TRPS1: variants seen among roughly 807,000 people sequenced by gnomAD.
TRPS1 encodes zinc finger transcription factor Trps1.
A neutral mutation model predicts 101.2 loss-of-function variants in TRPS1; 6 were observed. The observed-to-expected ratio is 0.06, with a 90% CI of 0.03 to 0.12. The LOEUF is 0.12. Ranked by LOEUF, TRPS1 falls within the 10% of genes least tolerant of loss-of-function variation. The pLI is 1.00. For synonymous variants in TRPS1, 578 were observed against 589.8 expected (o/e 0.98, Z 0.29); for missense variants, 1,363 against 1,567.0 (o/e 0.87, Z 2.20).
chr8:115,527,512 A>T (rs1487218528), intron 5 of TRPS1, among the ~76,000 whole-genome samples: 1 of 150,970 alleles, frequency 6.6e-6, no homozygotes, highest in Non-Finnish European at 1.5e-5. Context: ...ATTAAAAAAA[A>T]GTTGAAAAAA....
At chr8:115,452,584 G>GTGA (rs1248141339) in intron 5 of TRPS1, among the ~76,000 whole-genome samples, 35 of 152,312 alleles carry the variant, frequency 2.3e-4, no homozygotes, top group African/African-American at 7.9e-4. Context: ...TCTCTTTGAT[G>GTGA]TGATAACGTT....
intron 5 of TRPS1, among the ~76,000 whole-genome samples, chr8:115,533,221 G>A (rs1006876990): frequency 3.3e-5 from 5 of 151,998 alleles, no homozygotes; most frequent in South Asian, 2.1e-4. Flanking sequence ...GAGGTTATCC[G>A]CTAGGTTGTT....
At chr8:115,415,376 G>A (rs138775827) in intron 6 of TRPS1, among the ~76,000 whole-genome samples, 2 of 152,102 alleles carry the variant, frequency 1.3e-5, no homozygotes, top group African/African-American at 4.8e-5. Flanking sequence ...GCATCATTTA[G>A]TGATGAAACG....
At chr8:115,505,035 A>T (rs1272607697) in intron 5 of TRPS1, among the ~76,000 whole-genome samples, 2 of 152,158 alleles carry the variant, frequency 1.3e-5, no homozygotes, top group Non-Finnish European at 2.9e-5. Context: ...AAAATATATC[A>T]CATCAAACAA....
At chr8:115,664,830 C>A (rs543713553) in intron 1 of TRPS1, among the ~76,000 whole-genome samples, 2 of 152,194 alleles carry the variant, frequency 1.3e-5, no homozygotes, top group South Asian at 2.1e-4. Flanking sequence ...AGCTGTCCTG[C>A]GGAAACTAAA....
At position 115,410,317 on chromosome 8, in the gene TRPS1, T is replaced by C. The variant is rs906010453; in HGVS notation, c.*3706A>G. ...TAGATTATGTGCACATGTGCAATTA[T>C]AAACATAATGTGCTACCACAGGCTT... is the stretch of plus-strand genomic sequence containing the variant. On this transcript the variant is annotated 3_prime_UTR_variant, in exon 7 of 7. Coordinates refer to ENST00000395715, the MANE Select transcript of TRPS1 (RefSeq NM_014112.5). 3.9e-5 allele frequency: 6 copies of C among 152,518 alleles called. No homozygotes were observed. The highest frequency in any genetic ancestry group is 5.9e-5 in the Non-Finnish European group (4 of 67,988). The allele number at this position is 152,518 out of a possible 1,614,324, so 9.4% of individuals were successfully genotyped here.
At chr8:115,656,556 T>C (rs1339229831) in intron 1 of TRPS1, among the ~76,000 whole-genome samples, 4 of 152,112 alleles carry the variant, frequency 2.6e-5, no homozygotes, top group Non-Finnish European at 5.9e-5. Context: ...CATGTCTAAA[T>C]GAGAAACAAT....
rs1292666038 is a variant in TRPS1 at position 115,644,438 on chromosome 8, TTATC to T, written c.-121-20684_-121-20681del. Among the ~76,000 whole-genome samples, 3 of 152,338 alleles carry T rather than the reference TTATC, an allele frequency of 2.0e-5. No homozygotes were observed. In the East Asian group the frequency reaches 5.8e-4, roughly 29 times the overall value. ...TTCAAACGTTTCTTCTGCAACTTCT[TTATC>T]TCTCTCTCAGCTTTCACCGAATCAA... On this transcript the variant is annotated intron_variant, in intron 1 of 6. Coordinates refer to ENST00000395715, the MANE Select transcript of TRPS1 (RefSeq NM_014112.5).
At position 115,418,193 on chromosome 8, in the gene TRPS1, G is replaced by A; in HGVS notation, c.2823+137C>T. On this transcript the variant is annotated intron_variant, in intron 6 of 6. Coordinates refer to ENST00000395715, the MANE Select transcript of TRPS1 (RefSeq NM_014112.5). This position sits in a 1 kb window ranked among gnomAD's most constrained non-coding sequence, Gnocchi z 4.3. ...AAGCCCCCTTCACCATAAATCACATGTGCACTCAAAGTGACTGTATTAAAA... is the reference window on the plus strand; with the variant it reads ...AAGCCCCCTTCACCATAAATCACATATGCACTCAAAGTGACTGTATTAAAA... The A allele has an allele frequency of 7.1e-7, 1 of 1,402,010 alleles. No individual in the cohort carries two copies. The highest frequency in any genetic ancestry group is 1.0e-6 in the Non-Finnish European group (1 of 996,436). The allele number at this position is 1,402,010 out of a possible 1,614,324, so 86.8% of individuals were successfully genotyped here.
Position 115,603,866 on chromosome 8 carries a change from G to T in TRPS1, c.2096+7C>A. 6.2e-7 allele frequency: 1 copy of T among 1,613,716 alleles called. No homozygotes were observed. ...TATTCCTCCCGACCCCACCCCCCATGCCTCACCTGTAGTGTCGGGAAATCT... is the reference window on the plus strand; with the variant it reads ...TATTCCTCCCGACCCCACCCCCCATTCCTCACCTGTAGTGTCGGGAAATCT... On this transcript the variant is annotated splice_region_variant and intron_variant, in intron 4 of 6. Transcript: ENST00000395715.
At chr8:115,437,466 GT>G (rs1373924205) in intron 5 of TRPS1, among the ~76,000 whole-genome samples, 1 of 152,218 alleles carries the variant, frequency 6.6e-6, no homozygotes, top group Non-Finnish European at 1.5e-5. Flanking sequence ...GAGCTCTTCA[GT>G]TGTCACAATG....
chr8:115,634,424 C>A (rs1329651569), intron 1 of TRPS1, among the ~76,000 whole-genome samples: 1 of 152,118 alleles, frequency 6.6e-6, no homozygotes, highest in African/African-American at 2.4e-5. Flanking sequence ...AAAGAAGCAA[C>A]ATAATACCCA....
At chr8:115,567,834 C>G (rs905496953) in intron 5 of TRPS1, among the ~76,000 whole-genome samples, 3 of 152,060 alleles carry the variant, frequency 2.0e-5, no homozygotes, top group Non-Finnish European at 2.9e-5. Context: ...GCAGCTCTTT[C>G]AGGGCGTCTG....
chr8:115,608,166 G>A (rs1818082450), intron 3 of TRPS1, among the ~76,000 whole-genome samples: 1 of 152,148 alleles, frequency 6.6e-6, no homozygotes, highest in Non-Finnish European at 1.5e-5. Context: ...ATACTAAAAA[G>A]AGAGTGCAAG....
intron 5 of TRPS1, among the ~76,000 whole-genome samples, chr8:115,533,436 G>GTTTTTTTTTT (rs1161916592): frequency 0.01 from 359 of 34,964 alleles, 94 homozygotes; most frequent in African/African-American, 0.023. Context: ...CATGTAATCT[G>GTTTTTTTTTT]TTTTTTTTTT....
At chr8:115,443,401 C>T (rs1447647656) in intron 5 of TRPS1, among the ~76,000 whole-genome samples, 1 of 152,208 alleles carries the variant, frequency 6.6e-6, no homozygotes, top group Non-Finnish European at 1.5e-5. Context: ...CTGTGACTGC[C>T]TCCTTTAGAA....
At chr8:115,449,266 T>C (rs533739197) in intron 5 of TRPS1, among the ~76,000 whole-genome samples, 1 of 152,216 alleles carries the variant, frequency 6.6e-6, no homozygotes, top group South Asian at 2.1e-4. Flanking sequence ...ATCTTTCTTT[T>C]TCCTGATCAC....
intron 5 of TRPS1, among the ~76,000 whole-genome samples, chr8:115,512,029 T>TA: frequency 6.6e-6 from 1 of 151,850 alleles, no homozygotes; most frequent in African/African-American, 2.4e-5. Context: ...CCCTAAATAC[T>TA]AAAAAATTAC....
intron 1 of TRPS1, among the ~76,000 whole-genome samples, chr8:115,659,910 T>C (rs1352518932): frequency 2.6e-5 from 4 of 152,044 alleles, no homozygotes; most frequent in Non-Finnish European, 5.9e-5. Context: ...AAATATGCAA[T>C]ATGCTAAAAT....
Sources: gnomAD v4.1 joint callset for allele counts (sites outside exome capture counted in the v4.1 genomes callset) on GRCh38, gnomAD v4.1.1 for gene constraint, Gnocchi (gnomAD v3.1) non-coding constraint, MANE v1.5 for transcripts, NCBI Gene and HGNC (gene_info 2026-07-23, HGNC 2026-07-21) for gene names.